Variants in TCF20 observed in about 807,000 individuals in gnomAD.
TCF20 encodes SPRE-binding protein.
In TCF20, 3 loss-of-function variants were observed where a neutral mutation model predicts 148.6. The observed-to-expected ratio is 0.02, with a 90% CI of 0.01 to 0.05. TCF20 has a LOEUF of 0.05. Ranked by LOEUF, TCF20 falls within the 10% of genes least tolerant of loss-of-function variation. The pLI is 1.00. For synonymous variants in TCF20, 1,049 were observed against 909.5 expected (o/e 1.15, Z -2.76); for missense variants, 2,350 against 2,429.3 (o/e 0.97, Z 0.69).
chr22:42,209,643 A>G lies in TCF20; in HGVS notation c.5655+8T>C. The G allele has an allele frequency of 6.3e-7, 1 of 1,577,604 alleles. No individual in the cohort carries two copies. Among genetic ancestry groups the G allele is most frequent in the Non-Finnish European group, 8.6e-7 (1 of 1,163,706 alleles). ...ATCCCAAGCTGGTAAGAGATTTCTC[A>G]TACTCACCATCTCTCTGGCTATTTC... On this transcript the variant is annotated splice_region_variant and intron_variant, in intron 2 of 5. Transcript: ENST00000677622.
At chr22:42,254,546 A>G (rs1009232814) in intron 1 of TCF20, among the ~76,000 whole-genome samples, 1 of 152,212 alleles carries the variant, frequency 6.6e-6, no homozygotes, top group Non-Finnish European at 1.5e-5. Flanking sequence ...GCCTGGGGAA[A>G]CAATCTCTCA....
At chr22:42,298,541 C>T (rs540374330) in intron 1 of TCF20, among the ~76,000 whole-genome samples, 1 of 152,286 alleles carries the variant, frequency 6.6e-6, no homozygotes, top group South Asian at 2.1e-4. Context: ...AAGCAGAAGG[C>T]CTGGGTCCCA....
chr22:42,294,462 G>A (rs550061126), intron 1 of TCF20, among the ~76,000 whole-genome samples: 3 of 152,230 alleles, frequency 2.0e-5, no homozygotes, highest in South Asian at 2.1e-4. Context: ...GCTGGGGGTC[G>A]GCGTGGCAGA....
At chr22:42,232,937 T>G (rs1398185814) in intron 1 of TCF20, among the ~76,000 whole-genome samples, 5 of 152,352 alleles carry the variant, frequency 3.3e-5, no homozygotes, top group Admixed American at 3.3e-4. Context: ...TTTGTTTGTT[T>G]TGAGACAGAG....
intron 3 of TCF20, among the ~76,000 whole-genome samples, chr22:42,172,143 GGAACAC>G (rs1300177265): frequency 1.0e-3 from 159 of 152,370 alleles, no homozygotes; most frequent in African/African-American, 3.5e-3. Context: ...CTCCCATGCA[GGAACAC>G]TGTGCAGACA....
At chr22:42,264,380 C>T (rs1926176432) in intron 1 of TCF20, among the ~76,000 whole-genome samples, 1 of 152,104 alleles carries the variant, frequency 6.6e-6, no homozygotes, top group African/African-American at 2.4e-5. Context: ...CATTTTTTAT[C>T]AGGATGATTT....
intron 1 of TCF20, among the ~76,000 whole-genome samples, chr22:42,341,349 C>T (rs1456137254): frequency 1.3e-5 from 2 of 152,192 alleles, no homozygotes; most frequent in Non-Finnish European, 2.9e-5. Flanking sequence ...CCTGACATAA[C>T]TCTCCCTGTT....
chr22:42,215,443 T>A, intron 1 of TCF20, 102 bp from the exon 2 acceptor site: 3 of 1,391,576 alleles, frequency 2.2e-6, no homozygotes, highest in Non-Finnish European at 2.8e-6. Flanking sequence ...GAGGCCCAGA[T>A]GAAGCTGACT....
At chr22:42,260,848 G>C (rs566920303) in intron 1 of TCF20, among the ~76,000 whole-genome samples, 19 of 152,240 alleles carry the variant, frequency 1.2e-4, no homozygotes, top group Non-Finnish European at 2.5e-4. Flanking sequence ...GAGAGTGAGG[G>C]GGAAAAGGAA....
intron 2 of TCF20, among the ~76,000 whole-genome samples, chr22:42,187,147 CT>C (rs1937083238): frequency 6.6e-6 from 1 of 152,212 alleles, no homozygotes; most frequent in Admixed American, 6.5e-5. Flanking sequence ...TCTGGACCCT[CT>C]GCTGCCATGT....
chr22:42,289,700 C>T (rs1007231274), intron 1 of TCF20, among the ~76,000 whole-genome samples: 12 of 152,044 alleles, frequency 7.9e-5, no homozygotes, highest in African/African-American at 2.9e-4. Context: ...AGATTCTGAA[C>T]CACACACACT....
At chr22:42,272,972 C>T (rs563111116), upstream of TCF20, among the ~76,000 whole-genome samples, 205 of 152,028 alleles carry the variant, frequency 1.3e-3, no homozygotes, top group Middle Eastern at 3.4e-3. Context: ...GACCAACCTG[C>T]GCAACACAGT....
intron 1 of TCF20, among the ~76,000 whole-genome samples, chr22:42,314,835 C>A (rs1927600724): frequency 1.3e-5 from 2 of 152,114 alleles, no homozygotes; most frequent in South Asian, 4.1e-4. Flanking sequence ...AGGGCAGGGG[C>A]ACGAAAACCT....
chr22:42,231,054 T>G (rs1348522659), intron 1 of TCF20, among the ~76,000 whole-genome samples: 1 of 151,868 alleles, frequency 6.6e-6, no homozygotes, highest in East Asian at 1.9e-4. Flanking sequence ...ACCAACTACT[T>G]GGGAGGCTAA....
At chr22:42,161,460 C>T in intron 5 of TCF20, 102 bp from the exon 6 acceptor site, 1 of 1,498,874 alleles carries the variant, frequency 6.7e-7, no homozygotes. Context: ...AGCAGGGAGC[C>T]TGCACTCACG....
chr22:42,323,903 A>AGGT (rs1213080967), intron 1 of TCF20, among the ~76,000 whole-genome samples: 7 of 16,884 alleles, frequency 4.1e-4, no homozygotes, highest in Non-Finnish European at 7.3e-4. Flanking sequence ...ATGGTGGTGG[A>AGGT]GGTGGTGGTG....
Position 42,213,663 on chromosome 22 carries a change from T to C in TCF20, c.1643A>G (p.Tyr548Cys). Residue 548 changes from tyrosine to cysteine, a missense_variant, in exon 2 of 6, where the codon TAC (tyrosine) becomes TGC (cysteine). Coordinates refer to ENST00000677622, the MANE Select transcript of TCF20 (RefSeq NM_001378418.1). ...SGQSTSSDTT[Y>C]KGGASEKAGS... is the part of the protein sequence containing the mutation. The stretch of plus-strand genomic sequence containing the variant: ...AGCTTTCTCAGAGGCTCCACCCTTG[T>C]AGGTGGTGTCAGAGCTGGTGCTCTG... 6.2e-7 allele frequency: 1 copy of C among 1,614,106 alleles called. No individual in the cohort carries two copies. The highest frequency in any genetic ancestry group is 8.5e-7 in the Non-Finnish European group (1 of 1,179,978).
intron 1 of TCF20, among the ~76,000 whole-genome samples, chr22:42,314,388 T>C (rs886667666): frequency 3.9e-5 from 6 of 152,250 alleles, no homozygotes; most frequent in Non-Finnish European, 7.3e-5. Context: ...GCGAAATTGA[T>C]GGCCATTGTC....
chr22:42,323,959 G>GTGGAGGTTA, intron 1 of TCF20, among the ~76,000 whole-genome samples: 1 of 124,030 alleles, frequency 8.1e-6, no homozygotes, highest in Non-Finnish European at 1.7e-5. Context: ...GGTTATGGTG[G>GTGGAGGTTA]TGGTGGTGAT....
Sources: allele counts gnomAD v4.1 joint callset (sites outside exome capture counted in the v4.1 genomes callset), GRCh38; gene constraint gnomAD v4.1.1; transcripts MANE v1.5; gene names NCBI Gene and HGNC (gene_info 2026-07-23, HGNC 2026-07-21).